POLE: variants seen among roughly 807,000 people sequenced by gnomAD.
POLE encodes DNA polymerase epsilon catalytic subunit A.
Under a neutral mutation model 279.2 loss-of-function variants are expected in POLE, and 188 were observed. The observed-to-expected ratio is 0.67, with a 90% CI of 0.60 to 0.76. POLE has a LOEUF of 0.76. POLE is among the 30% of genes least tolerant of loss of function. The pLI, the probability that POLE is intolerant of heterozygous loss-of-function variation, is 0.00. For synonymous variants in POLE, 1,214 were observed against 1,172.5 expected (o/e 1.04, Z -0.72); for missense variants, 2,703 against 3,016.7 (o/e 0.90, Z 2.44).
At chr12:132,647,954 G>C (rs1358999156) in intron 32 of POLE, among the ~76,000 whole-genome samples, 1 of 152,094 alleles carries the variant, frequency 6.6e-6, no homozygotes, top group Non-Finnish European at 1.5e-5. Flanking sequence ...GGCTGGAATC[G>C]AGTTTCACCT....
chr12:132,638,763 C>T (rs571853675), intron 40 of POLE: 34 of 224,994 alleles, frequency 1.5e-4, no homozygotes, highest in East Asian at 3.1e-4. Flanking sequence ...TTTGTAACAA[C>T]GGCACAAGGC....
chr12:132,646,764 G>A (rs570545791), intron 32 of POLE, among the ~76,000 whole-genome samples: 7 of 151,934 alleles, frequency 4.6e-5, no homozygotes, highest in South Asian at 2.1e-4. Context: ...CCCGGGAGGC[G>A]GAGGTTGCGG....
intron 46 of POLE, 76 bp downstream of exon 46, chr12:132,626,041 C>T (rs2041831260): frequency 7.1e-7 from 1 of 1,417,658 alleles, no homozygotes. Context: ...GCTGGAGCTG[C>T]AGAAGCCCTC....
chr12:132,680,195 A>G lies in POLE; in HGVS notation c.313T>C (p.Tyr105His). Residue 105 changes from tyrosine to histidine, a missense_variant, in exon 4 of 49, where the codon TAC (tyrosine) becomes CAC (histidine). By Grantham distance (83) the Tyr-to-His change is moderately conservative. Around this residue, in one of 5 missense-constraint regions of POLE, gnomAD observed 1,011 missense variants for 1,111.7 expected, o/e 0.91. Coordinates refer to ENST00000320574, the MANE Select transcript of POLE (RefSeq NM_006231.4). Reference sequence around the variant, plus strand: ...ACACTCACCTTTCTGGTCGCAATGTAGAAATACGGTTTATAGGGCAAAGCC... The same window carrying G: ...ACACTCACCTTTCTGGTCGCAATGTGGAAATACGGTTTATAGGGCAAAGCC... The part of the protein sequence containing the change: ...KVALPYKPYF[Y>H]IATRKGCERE... 6.2e-7 allele frequency: 1 copy of G among 1,614,164 alleles called. No homozygotes were observed. The highest frequency in any genetic ancestry group is 8.5e-7 in the Non-Finnish European group (1 of 1,179,968).
intron 45 of POLE, among the ~76,000 whole-genome samples, chr12:132,631,180 C>T (rs2041926452): frequency 6.6e-6 from 1 of 152,088 alleles, no homozygotes; most frequent in East Asian, 1.9e-4. Context: ...GTGTGTTTTG[C>T]TAAGAAGCCA....
chr12:132,644,381 G>T (rs2042228044), intron 32 of POLE, among the ~76,000 whole-genome samples: 1 of 148,546 alleles, frequency 6.7e-6, no homozygotes, highest in Non-Finnish European at 1.5e-5. Flanking sequence ...GCCCAGGCTG[G>T]TCTCAAACTC....
In POLE at chr12:132,668,238, G is replaced by T; in HGVS notation, c.2173+118C>A. 8.4e-7 allele frequency: 1 copy of T among 1,185,928 alleles called. No homozygotes were observed. Among genetic ancestry groups the T allele is most frequent in the Non-Finnish European group, 1.2e-6 (1 of 863,826 alleles). 73.5% of individuals were successfully genotyped at this position (1,185,928 alleles called of 1,614,324 possible). A position where few individuals can be genotyped will look rare whatever the true frequency, so the allele number is the denominator to read the frequency against. On this transcript the variant is annotated intron_variant, in intron 19 of 48. Transcript: ENST00000320574. The surrounding 1 kb of genome is among the most constrained non-coding windows in gnomAD (Gnocchi z 4.0). ...TTACAGTGACCTAGAGCAGCTTCTG[G>T]TCTGCTGTGACAACACCTCTGGGGC...
At position 132,664,853 on chromosome 12, in the gene POLE, C is replaced by G. The variant is rs5744829; in HGVS notation, c.2469-391G>C. Among the ~76,000 whole-genome samples the G allele has an allele frequency of 9.2e-5, 14 of 152,220 alleles. No homozygotes were observed. In the East Asian group the frequency reaches 2.7e-3, roughly 29 times the overall value. On this transcript the variant is annotated intron_variant, in intron 21 of 48. Transcript: ENST00000320574. This position sits in a 1 kb window ranked among gnomAD's most constrained non-coding sequence, Gnocchi z 5.3. ...CCTAGCTGCCAGGCCCAACCCTCCT[C>G]CAGCCTGGGTCCCAGCCCTGCTGTC... is the stretch of plus-strand genomic sequence containing the variant.
rs5744900 is a variant in POLE at position 132,649,210 on chromosome 12, C to T, written c.4005+96G>A. Reference sequence around the variant, plus strand: ...ATGGGCAGGAAACTCCAGGCCCACTCTAACCCTCCCATCCCAGACCTCAGG... The same window carrying T: ...ATGGGCAGGAAACTCCAGGCCCACTTTAACCCTCCCATCCCAGACCTCAGG... On this transcript the variant is annotated intron_variant, in intron 31 of 48. Transcript: ENST00000320574. 2.4e-3 allele frequency: 3,556 copies of T among 1,509,988 alleles called. 80 individuals carry two copies. The African/African-American group carries it at 0.043, about 18-fold the overall frequency. The allele number at this position is 1,509,988 out of a possible 1,614,324, so 93.5% of individuals were successfully genotyped here.
At chr12:132,633,023 TG>T (rs2041965770) in intron 43 of POLE, 1 of 522,094 alleles carries the variant, frequency 1.9e-6, no homozygotes, top group Non-Finnish European at 3.4e-6. Context: ...GAGAGAAAAC[TG>T]TATAAATGGG....
rs962890745 is a variant in POLE, at chr12:132,661,790, T to C, written c.2707-106A>G. ...GGATGGATTGACAAACCGAGGCTTT[T>C]CCACATAACTAACACGACTTGGCAG... On this transcript the variant is annotated intron_variant, in intron 23 of 48. Transcript: ENST00000320574. This position sits in a 1 kb window ranked among gnomAD's most constrained non-coding sequence, Gnocchi z 4.1. The C allele has an allele frequency of 1.8e-6, 2 of 1,120,960 alleles. No homozygotes were observed. Among genetic ancestry groups the C allele is most frequent in the Non-Finnish European group, 2.6e-6 (2 of 779,284 alleles). 69.4% of individuals were successfully genotyped at this position (1,120,960 alleles called of 1,614,324 possible).
rs1177628476 is a variant in POLE at position 132,649,369 on chromosome 12, C to T, written c.3942G>A (p.Gly1314=). Residue 1314 remains glycine, a synonymous_variant, in exon 31 of 49, where the codon GGG becomes GGA. Coordinates refer to ENST00000320574, the MANE Select transcript of POLE (RefSeq NM_006231.4). ...PGAIRDGPAT[G]LGSFLRRTAR... Reference sequence around the variant, plus strand: ...CAGTTCTTCGCAAGAAGCTCCCCAGCCCCGTGGCAGGACCATCCCGGATGG... The same window carrying T: ...CAGTTCTTCGCAAGAAGCTCCCCAGTCCCGTGGCAGGACCATCCCGGATGG... The T allele has an allele frequency of 1.2e-6, 2 of 1,613,612 alleles. No individual in the cohort carries two copies. The highest frequency in any genetic ancestry group is 2.2e-5 in the East Asian group (1 of 44,874).
In POLE at chr12:132,638,039, C is replaced by T. The variant is rs748008084; in HGVS notation, c.5653G>A (p.Ala1885Thr). The T allele has an allele frequency of 6.1e-5, 98 of 1,613,870 alleles. No individual in the cohort carries two copies. Among genetic ancestry groups the T allele is most frequent in the Middle Eastern group, 1.6e-4 (1 of 6,084 alleles). ...CTGCTGGTGATGTACTCCACGTAAGCGATGGCATCTTCCACACGGCGCTTC... is the reference window on the plus strand; with the variant it reads ...CTGCTGGTGATGTACTCCACGTAAGTGATGGCATCTTCCACACGGCGCTTC... ...TKKRRVEDAI[A>T]YVEYITSSIH... The change falls in exon 41 of 49, where the codon GCT becomes ACT. Residue 1885 changes from alanine to threonine, a missense_variant. Coordinates refer to ENST00000320574, the MANE Select transcript of POLE (RefSeq NM_006231.4).
At chr12:132,630,891 C>T (rs745815460) in intron 45 of POLE, among the ~76,000 whole-genome samples, 5 of 152,208 alleles carry the variant, frequency 3.3e-5, no homozygotes, top group South Asian at 2.1e-4. Context: ...GACCCTGACA[C>T]GGTGCAGCCA....
intron 43 of POLE, 134 bp from the exon 44 acceptor site, chr12:132,632,929 G>C: frequency 1.0e-6 from 1 of 959,496 alleles, no homozygotes; most frequent in Middle Eastern, 2.3e-4. Context: ...TTTATCTGCA[G>C]CCTTTAGATG....
chr12:132,661,617 G>A lies in POLE; in HGVS notation c.2774C>T (p.Ser925Leu), dbSNP rs752724850. The change falls in exon 24 of 49, where the codon TCA (serine) becomes TTA (leucine). Residue 925 changes from serine to leucine, a missense_variant. Transcript: ENST00000320574. The surrounding 1 kb of genome is among the most constrained non-coding windows in gnomAD (Gnocchi z 4.1). ...AACCTCAAAAAAGATGCTGTTCTCT[G>A]AGCGGGTGACGTAGGTGAGTGAGGA... ...EPSSLTYVTR[S>L]ENSIFFEVDG... 1.9e-6 allele frequency: 3 copies of A among 1,614,196 alleles called. No individual in the cohort carries two copies. The highest frequency in any genetic ancestry group is 2.5e-6 in the Non-Finnish European group (3 of 1,180,036).
chr12:132,632,900 A>AG (rs2041963909), intron 43 of POLE, 105 bp from the exon 44 acceptor site: 1 of 1,252,948 alleles, frequency 8.0e-7, no homozygotes. Flanking sequence ...GATGAGGCTA[A>AG]AATGTCATTG....
intron 46 of POLE, 94 bp from the exon 47 acceptor site, chr12:132,625,864 C>A: frequency 1.3e-6 from 2 of 1,508,060 alleles, no homozygotes; most frequent in Admixed American, 3.8e-5. Flanking sequence ...CTGTGAGAAG[C>A]GCCTGGTGAC....
Position 132,659,335 on chromosome 12 carries a change from T to C in POLE, c.3235A>G (p.Ile1079Val), listed in dbSNP as rs775002004. ...VKDAGLSCRY[I>V]ISRKPEGSPV... ...GAGCCCTCGGGCTTGCGGGAGATGA[T>C]GTAGCGGCAACTCAGCCCTGCATCC... Residue 1079 changes from isoleucine to valine, a missense_variant, in exon 26 of 49, where the codon ATC (isoleucine) becomes GTC (valine). Around this residue, in one of 5 missense-constraint regions of POLE, gnomAD observed 1,551 missense variants for 1,686.1 expected, o/e 0.92. Transcript: ENST00000320574. 6 of 1,613,160 alleles carry C rather than the reference T, an allele frequency of 3.7e-6. No individual in the cohort carries two copies. The highest frequency in any genetic ancestry group is 2.2e-5 in the East Asian group (1 of 44,870).
Sources: gnomAD v4.1 joint callset for allele counts (sites outside exome capture counted in the v4.1 genomes callset) on GRCh38, gnomAD v4.1.1 for gene constraint, gnomAD v4.1.1 regional missense constraint, Gnocchi (gnomAD v3.1) non-coding constraint, MANE v1.5 for transcripts, NCBI Gene and HGNC (gene_info 2026-07-23, HGNC 2026-07-21) for gene names.